KAZN: variants seen among roughly 807,000 people sequenced by gnomAD.
The protein encoded by KAZN is kazrin.
KAZN carries 40 observed loss-of-function variants against 87.4 expected under a neutral mutation model. The ratio of observed to expected loss-of-function variants is 0.46; its 90% confidence interval spans 0.36 to 0.60. The LOEUF is 0.60. KAZN is among the 20% of genes least tolerant of loss of function. The pLI is 0.00. For missense variants in KAZN, 898 were observed against 1,073.9 expected (o/e 0.84, Z 2.29); for synonymous variants, 466 against 458.3 (o/e 1.02, Z -0.22).
intron 1 of KAZN, among the ~76,000 whole-genome samples, chr1:14,174,930 G>A (rs1199820147): frequency 6.6e-6 from 1 of 152,176 alleles, no homozygotes; most frequent in Non-Finnish European, 1.5e-5. Flanking sequence ...GCACGGTCTA[G>A]CTCGTGTCTG....
At chr1:14,217,347 A>T (rs1646979996) in intron 2 of KAZN, among the ~76,000 whole-genome samples, 2 of 152,164 alleles carry the variant, frequency 1.3e-5, no homozygotes, top group Non-Finnish European at 2.9e-5. Context: ...CAAAAAATTT[A>T]AAAATGCTAC....
intron 1 of KAZN, among the ~76,000 whole-genome samples, chr1:14,688,542 G>A (rs895133577): frequency 1.3e-5 from 2 of 152,228 alleles, no homozygotes; most frequent in Non-Finnish European, 2.9e-5. Context: ...CAGGAAGTGG[G>A]TAATTAGAAT....
At chr1:14,121,250 A>G (rs932857580) in intron 1 of KAZN, among the ~76,000 whole-genome samples, 9 of 152,228 alleles carry the variant, frequency 5.9e-5, no homozygotes, top group African/African-American at 2.2e-4. Flanking sequence ...GAAAGGTGTG[A>G]TATGCAAACC....
intron 1 of KAZN, among the ~76,000 whole-genome samples, chr1:14,792,774 G>A (rs555266110): frequency 4.5e-4 from 68 of 152,258 alleles, no homozygotes; most frequent in African/African-American, 1.5e-3. Context: ...TCAGGAGATC[G>A]AGACTATCCT....
At chr1:14,327,355 T>G (rs1272451359) in intron 2 of KAZN, among the ~76,000 whole-genome samples, 2 of 152,084 alleles carry the variant, frequency 1.3e-5, no homozygotes, top group African/African-American at 4.8e-5. Context: ...CAGATCCTGC[T>G]TATTAGTCCC....
At chr1:14,312,852 C>T (rs1313106330) in intron 2 of KAZN, among the ~76,000 whole-genome samples, 3 of 152,086 alleles carry the variant, frequency 2.0e-5, no homozygotes, top group South Asian at 2.1e-4. Flanking sequence ...AACTAAGATC[C>T]TCAGTCCTTA....
intron 2 of KAZN, among the ~76,000 whole-genome samples, chr1:14,509,158 G>T (rs1670769081): frequency 6.6e-6 from 1 of 152,208 alleles, no homozygotes; most frequent in African/African-American, 2.4e-5. Context: ...AGAGTGCTTT[G>T]CCATGGGCAA....
At chr1:14,087,302 A>G (rs2101608153) in intron 1 of KAZN, among the ~76,000 whole-genome samples, 1 of 152,304 alleles carries the variant, frequency 6.6e-6, no homozygotes, top group Admixed American at 6.5e-5. Flanking sequence ...ATTGTTGTAT[A>G]GTGACCTTTT....
chr1:14,549,455 G>GC (rs898184553), intron 2 of KAZN, among the ~76,000 whole-genome samples: 3 of 151,924 alleles, frequency 2.0e-5, no homozygotes, highest in Non-Finnish European at 4.4e-5. Context: ...AAACTTCTGG[G>GC]CCCCCCCTTA....
chr1:14,588,790 T>C lies in KAZN; in HGVS notation c.250-10193T>C, dbSNP rs568270089. 2.6e-5 allele frequency among the ~76,000 whole-genome samples: 4 copies of C among 152,350 alleles called. No homozygotes were observed. The East Asian group carries it at 7.7e-4, about 29-fold the overall frequency. The stretch of plus-strand genomic sequence containing the variant: ...AGCTCCCAGTGTTATAACCTGGCTT[T>C]CTGCAGGACTCCCTCGGGGTTCCTC... On this transcript the variant is annotated intron_variant, in intron 2 of 16. Transcript: ENST00000636203.
At chr1:15,044,266 TG>T in intron 4 of KAZN, 107 bp downstream of exon 4, 1 of 200,180 alleles carries the variant, frequency 5.0e-6, no homozygotes. Flanking sequence ...GTGGGGTGGG[TG>T]GGGCAGAGCA....
At chr1:14,715,077 C>T (rs986090990) in intron 1 of KAZN, among the ~76,000 whole-genome samples, 2 of 151,956 alleles carry the variant, frequency 1.3e-5, no homozygotes, top group African/African-American at 4.8e-5. Flanking sequence ...ACCACAGGCA[C>T]TTGCCACCAT....
chr1:14,015,353 A>G (rs1450778639), intron 1 of KAZN, among the ~76,000 whole-genome samples: 1 of 151,764 alleles, frequency 6.6e-6, no homozygotes, highest in Non-Finnish European at 1.5e-5. Context: ...AACTTCCTGG[A>G]AAGATGACCC....
chr1:14,743,067 G>C (rs1644155637), intron 1 of KAZN, among the ~76,000 whole-genome samples: 1 of 152,158 alleles, frequency 6.6e-6, no homozygotes, highest in Non-Finnish European at 1.5e-5. Flanking sequence ...CTGTGTGTGG[G>C]CCAGAGTGGT....
intron 1 of KAZN, among the ~76,000 whole-genome samples, chr1:14,044,385 G>A (rs900591829): frequency 9.6e-6 from 1 of 103,876 alleles, no homozygotes. Context: ...GAAACTCACT[G>A]TTCCGCCCCC....
intron 1 of KAZN, among the ~76,000 whole-genome samples, chr1:13,944,246 C>T (rs150920710): frequency 4.6e-5 from 7 of 152,282 alleles, no homozygotes; most frequent in South Asian, 4.2e-4. Context: ...GAAAATAGCA[C>T]GCGACGTGAA....
chr1:13,994,259 C>T (rs151252958), intron 1 of KAZN, among the ~76,000 whole-genome samples: 186 of 152,232 alleles, frequency 1.2e-3, no homozygotes, highest in African/African-American at 4.5e-3. Context: ...GCTCAGAGAG[C>T]CAAGGATTGT....
At chr1:14,828,075 C>T (rs1646948771) in intron 1 of KAZN, among the ~76,000 whole-genome samples, 1 of 152,232 alleles carries the variant, frequency 6.6e-6, no homozygotes, top group South Asian at 2.1e-4. Flanking sequence ...CTGCCTGTGG[C>T]AGACATACAC....
intron 1 of KAZN, among the ~76,000 whole-genome samples, chr1:14,607,499 GGCAA>G (rs1677464316): frequency 6.6e-6 from 1 of 152,160 alleles, no homozygotes; most frequent in Non-Finnish European, 1.5e-5. Context: ...TTGGCATTGT[GGCAA>G]TTATAATTAG....
Sources: allele counts gnomAD v4.1 joint callset (sites outside exome capture counted in the v4.1 genomes callset), GRCh38; gene constraint gnomAD v4.1.1; transcripts MANE v1.5; gene names NCBI Gene and HGNC (gene_info 2026-07-23, HGNC 2026-07-21).